PLCB1: variants seen among roughly 807,000 people sequenced by gnomAD.
PLCB1 encodes phospholipase C beta 1, also known as 1-phosphatidylinositol 4,5-bisphosphate phosphodiesterase beta-1.
A neutral mutation model predicts 161.8 loss-of-function variants in PLCB1; 46 were observed. That is an observed-to-expected ratio of 0.28 (90% confidence interval 0.22 to 0.36). The LOEUF (loss-of-function observed/expected upper bound fraction) is 0.36. Among genes scored for constraint, PLCB1 ranks in the 10% least tolerant of loss-of-function variants. The pLI, the probability that PLCB1 is intolerant of heterozygous loss-of-function variation, is 1.00. For missense variants in PLCB1, 1,016 were observed against 1,472.5 expected (o/e 0.69, Z 5.07); for synonymous variants, 517 against 503.7 (o/e 1.03, Z -0.35).
At chr20:8,226,165 TTGA>T (rs2123172549) in intron 2 of PLCB1, among the ~76,000 whole-genome samples, 1 of 152,308 alleles carries the variant, frequency 6.6e-6, no homozygotes, top group South Asian at 2.1e-4. Context: ...CACACCCCTG[TTGA>T]TGATCTTCAC....
chr20:8,158,334 T>A (rs1008160655), intron 2 of PLCB1, among the ~76,000 whole-genome samples: 2 of 152,194 alleles, frequency 1.3e-5, no homozygotes, highest in African/African-American at 2.4e-5. Context: ...CAACTCAAGA[T>A]TGTTGATGGT....
At chr20:8,721,831 A>G (rs1444485086) in intron 14 of PLCB1, among the ~76,000 whole-genome samples, 1 of 152,170 alleles carries the variant, frequency 6.6e-6, no homozygotes, top group Admixed American at 6.6e-5. Flanking sequence ...GACTTCTGCA[A>G]GGTCCTCTCT....
rs1985406901 is a variant in PLCB1 at position 8,821,528 on chromosome 20, TA to T, written c.3423+31268del. ...ATATATATATATATATATATATATA[TA>T]TATATATATATATATATATATATAT... On this transcript the variant is annotated intron_variant, in intron 31 of 31. Coordinates refer to ENST00000338037, the MANE Select transcript of PLCB1 (RefSeq NM_015192.4). 4.1e-5 allele frequency among the ~76,000 whole-genome samples: 4 copies of T among 96,618 alleles called. 1 individual carries two copies. Among genetic ancestry groups the T allele is most frequent in the Non-Finnish European group, 7.2e-5 (4 of 55,388 alleles). The allele number at this position is 96,618 out of a possible 152,430, so 63.4% of individuals were successfully genotyped here.
intron 2 of PLCB1, among the ~76,000 whole-genome samples, chr20:8,184,062 G>A (rs1381179497): frequency 1.3e-5 from 2 of 152,022 alleles, no homozygotes; most frequent in African/African-American, 4.8e-5. Context: ...ATGAATGAAT[G>A]AAATTAAATA....
chr20:8,882,031 A>T lies in PLCB1; in HGVS notation c.*182A>T. Reference sequence around the variant, plus strand: ...TTCCCATGCCCAGGCTCCATGTGTCATGTGGAAACCTCCACAGGTCTGCTA... The same window carrying T: ...TTCCCATGCCCAGGCTCCATGTGTCTTGTGGAAACCTCCACAGGTCTGCTA... On this transcript the variant is annotated 3_prime_UTR_variant, in exon 32 of 32. Transcript: ENST00000338037. 1 of 590,618 alleles carries T rather than the reference A, an allele frequency of 1.7e-6. No homozygotes were observed. Among genetic ancestry groups the T allele is most frequent in the South Asian group, 2.1e-5 (1 of 48,294 alleles). The allele number at this position is 590,618 out of a possible 1,614,324, so 36.6% of individuals were successfully genotyped here.
At chr20:8,722,728 G>A (rs904779130) in intron 15 of PLCB1, among the ~76,000 whole-genome samples, 3 of 152,066 alleles carry the variant, frequency 2.0e-5, no homozygotes, top group African/African-American at 7.2e-5. Context: ...AATATTAATT[G>A]CACAGAACCT....
At chr20:8,787,073 C>A (rs146412456) in intron 27 of PLCB1, among the ~76,000 whole-genome samples, 2 of 152,208 alleles carry the variant, frequency 1.3e-5, no homozygotes. Flanking sequence ...GGACCCTATC[C>A]TTAGTTCAGC....
At chr20:8,734,082 C>G (rs987295130) in intron 19 of PLCB1, among the ~76,000 whole-genome samples, 43 of 138,140 alleles carry the variant, frequency 3.1e-4, no homozygotes, top group South Asian at 9.1e-4. Context: ...GAGCCCAGAT[C>G]GCGCCACTGC....
chr20:8,870,344 A>T (rs530181954), intron 31 of PLCB1, among the ~76,000 whole-genome samples: 13 of 152,340 alleles, frequency 8.5e-5, no homozygotes, highest in South Asian at 8.3e-4. Flanking sequence ...GAAGGGTTTG[A>T]CTATGTAATT....
intron 4 of PLCB1, among the ~76,000 whole-genome samples, chr20:8,634,084 AG>A (rs1441280390): frequency 7.9e-5 from 12 of 152,194 alleles, no homozygotes; most frequent in Non-Finnish European, 8.8e-5. Context: ...CCTTTCAGAG[AG>A]CTAGATATTG....
chr20:8,384,909 C>T (rs917711536), intron 3 of PLCB1, among the ~76,000 whole-genome samples: 1 of 152,186 alleles, frequency 6.6e-6, no homozygotes, highest in Non-Finnish European at 1.5e-5. Context: ...GCTCCTTCTT[C>T]TGGCATCTCT....
intron 18 of PLCB1, among the ~76,000 whole-genome samples, chr20:8,731,655 A>C (rs546792047): frequency 6.4e-4 from 98 of 152,110 alleles, no homozygotes; most frequent in African/African-American, 2.3e-3. Flanking sequence ...TTCAGACATA[A>C]ATGTGATAAG....
rs192036193 is a variant in PLCB1, at chr20:8,141,583, C to T, written c.100-8711C>T. On this transcript the variant is annotated intron_variant, in intron 1 of 31. Coordinates refer to ENST00000338037, the MANE Select transcript of PLCB1 (RefSeq NM_015192.4). ...CAGAGGTTTCAGTGAGCCAAGATCG[C>T]GCCACTGCATTCCAGCCTGGGCGAC... Among the ~76,000 whole-genome samples, 828 of 147,412 alleles carry T rather than the reference C, an allele frequency of 5.6e-3. 5 individuals are homozygous for T. The highest frequency in any genetic ancestry group is 8.3e-3 in the Non-Finnish European group (560 of 67,374).
At chr20:8,667,396 G>A (rs1429071114) in intron 9 of PLCB1, among the ~76,000 whole-genome samples, 1 of 152,082 alleles carries the variant, frequency 6.6e-6, no homozygotes, top group Non-Finnish European at 1.5e-5. Flanking sequence ...ATTTCAGATT[G>A]CCTAAGAATG....
intron 3 of PLCB1, among the ~76,000 whole-genome samples, chr20:8,577,299 G>T (rs546965330): frequency 2.1e-4 from 32 of 151,114 alleles, no homozygotes; most frequent in Admixed American, 5.3e-4. Flanking sequence ...TTAGCTGGGC[G>T]TGGTGGCGGG....
At chr20:8,651,416 GA>G in intron 7 of PLCB1, 1 of 721,918 alleles carries the variant, frequency 1.4e-6, no homozygotes, top group Non-Finnish European at 2.6e-6. Context: ...TCTATAGGTG[GA>G]AAAAGCTAAT....
At chr20:8,199,038 A>G (rs765267435) in intron 2 of PLCB1, among the ~76,000 whole-genome samples, 1 of 151,830 alleles carries the variant, frequency 6.6e-6, no homozygotes, top group Non-Finnish European at 1.5e-5. Flanking sequence ...TTTTTTTTCT[A>G]TGTGGCTATA....
intron 24 of PLCB1, among the ~76,000 whole-genome samples, chr20:8,759,896 A>AT (rs3033840): frequency 0.06 from 4,700 of 78,124 alleles, 472 homozygotes; most frequent in African/African-American, 0.14. Flanking sequence ...ATAATATCAC[A>AT]TTTTTTTTTT....
chr20:8,739,388 T>C (rs771906790), intron 21 of PLCB1, 28 bp downstream of exon 21: 13 of 1,398,748 alleles, frequency 9.3e-6, no homozygotes, highest in Non-Finnish European at 1.1e-5. Context: ...AGAAACCTTT[T>C]ATCAAAGTTG....
Sources: gnomAD v4.1 joint callset for allele counts (sites outside exome capture counted in the v4.1 genomes callset) on GRCh38, gnomAD v4.1.1 for gene constraint, MANE v1.5 for transcripts, NCBI Gene and HGNC (gene_info 2026-07-23, HGNC 2026-07-21) for gene names.